The following PDGFD variants were observed in gnomAD, a reference collection of about 807,000 sequenced individuals.
The protein encoded by PDGFD is platelet-derived growth factor D.
In PDGFD, 30 loss-of-function variants were observed where a neutral mutation model predicts 44.7. The observed-to-expected ratio is 0.67, with a 90% CI of 0.50 to 0.91. PDGFD has a LOEUF of 0.91. Ranked by LOEUF, PDGFD falls within the 40% of genes least tolerant of loss-of-function variation. The pLI is 0.00. For missense variants in PDGFD, 445 were observed against 457.8 expected, an observed-to-expected ratio of 0.97 and a Z score of 0.25; for synonymous variants, 173 against 168.4, an observed-to-expected ratio of 1.03 and a Z score of -0.21.
intron 1 of PDGFD, among the ~76,000 whole-genome samples, chr11:104,103,462 G>GTGTGTATATATATATATA (rs1041388346): frequency 2.3e-5 from 3 of 133,254 alleles, no homozygotes; most frequent in Non-Finnish European, 3.2e-5. Flanking sequence ...GTGTGTGTGT[G>GTGTGTATATATATATATA]TATATATATA....
intron 1 of PDGFD, among the ~76,000 whole-genome samples, chr11:104,030,788 G>A (rs1860111691): frequency 6.6e-6 from 1 of 152,054 alleles, no homozygotes; most frequent in African/African-American, 2.4e-5. Context: ...TATAATCATG[G>A]TTAAATTTAC....
At position 103,908,120 on chromosome 11, in the gene PDGFD, C is replaced by G. The variant is rs1305608570; in HGVS notation, c.*1574G>C. ...AAACTGGTTGTAGTTAGTAGGACCA[C>G]AAAGTCACTGAAGAAATCTGCTTTC... is the stretch of plus-strand genomic sequence containing the variant. On this transcript the variant is annotated 3_prime_UTR_variant, in exon 7 of 7. Transcript: ENST00000393158. 6.6e-6 allele frequency: 1 copy of G among 152,188 alleles called. No homozygotes were observed. Among genetic ancestry groups the G allele is most frequent in the Non-Finnish European group, 1.5e-5 (1 of 68,030 alleles). The allele number at this position is 152,188 out of a possible 1,614,324, so 9.4% of individuals were successfully genotyped here. A position where few individuals can be genotyped will look rare whatever the true frequency, so the allele number is the denominator to read the frequency against.
rs753910078 is a variant in PDGFD at position 104,037,828 on chromosome 11, C to T, written c.125-37573G>A. The stretch of plus-strand genomic sequence containing the variant: ...TATGCTTCTAGGCCTAGATATGCTC[C>T]GGAGACATCAATGTTCCATCGATTT... On this transcript the variant is annotated intron_variant, in intron 1 of 6. Coordinates refer to ENST00000393158, the MANE Select transcript of PDGFD (RefSeq NM_025208.5). 7.9e-5 allele frequency: 128 copies of T among 1,613,998 alleles called. 1 individual carries two copies. Among genetic ancestry groups the T allele is most frequent in the African/African-American group, 1.1e-4 (8 of 74,894 alleles).
intron 1 of PDGFD, among the ~76,000 whole-genome samples, chr11:104,027,155 G>A (rs1860054384): frequency 6.6e-6 from 1 of 152,138 alleles, no homozygotes; most frequent in Non-Finnish European, 1.5e-5. Context: ...TGCAATGAAA[G>A]GATGTATTTA....
At chr11:103,933,563 A>T (rs147937243) in intron 5 of PDGFD, among the ~76,000 whole-genome samples, 81 of 152,350 alleles carry the variant, frequency 5.3e-4, no homozygotes, top group African/African-American at 1.9e-3. Flanking sequence ...AATTAACCTA[A>T]ATCACAGCAA....
intron 5 of PDGFD, among the ~76,000 whole-genome samples, chr11:103,942,387 C>T (rs1858598534): frequency 6.6e-6 from 1 of 152,002 alleles, no homozygotes; most frequent in Non-Finnish European, 1.5e-5. Context: ...GTTTTACATG[C>T]CAATAAACAT....
chr11:104,028,766 A>C lies in PDGFD; in HGVS notation c.125-28511T>G, dbSNP rs145541813. ...TTTGTTCACAGTTAATAGTGTTTTA[A>C]GTTGTTTTGAAGTAAAAAAAAAATG... is the stretch of plus-strand genomic sequence containing the variant. On this transcript the variant is annotated intron_variant, in intron 1 of 6. Coordinates refer to ENST00000393158, the MANE Select transcript of PDGFD (RefSeq NM_025208.5). Among the ~76,000 whole-genome samples the C allele has an allele frequency of 3.2e-4, 44 of 137,222 alleles. No homozygotes were observed. The East Asian group carries it at 3.5e-3, about 11-fold the overall frequency. The allele number at this position is 137,222 out of a possible 152,430, so 90.0% of individuals were successfully genotyped here. A position where few individuals can be genotyped will look rare whatever the true frequency, so the allele number is the denominator to read the frequency against.
At position 103,909,440 on chromosome 11, in the gene PDGFD, G is replaced by A; in HGVS notation, c.*254C>T. The A allele has an allele frequency of 2.4e-6, 1 of 420,328 alleles. No homozygotes were observed. The highest frequency in any genetic ancestry group is 4.4e-6 in the Non-Finnish European group (1 of 228,926). 26.0% of individuals were successfully genotyped at this position (420,328 alleles called of 1,614,324 possible). On this transcript the variant is annotated 3_prime_UTR_variant, in exon 7 of 7. Transcript: ENST00000393158. ...TACACATAGACATGAATATATTTCTGTGTGTGTTTGTGCATATATAACCTC... is the reference window on the plus strand; with the variant it reads ...TACACATAGACATGAATATATTTCTATGTGTGTTTGTGCATATATAACCTC...
chr11:104,039,606 T>C (rs941925072), intron 1 of PDGFD, among the ~76,000 whole-genome samples: 1 of 152,142 alleles, frequency 6.6e-6, no homozygotes, highest in Non-Finnish European at 1.5e-5. Flanking sequence ...TTATACCCAG[T>C]AGAACTACTA....
chr11:103,920,743 T>A (rs1015268121), intron 6 of PDGFD, among the ~76,000 whole-genome samples: 2 of 152,214 alleles, frequency 1.3e-5, no homozygotes, highest in Non-Finnish European at 1.5e-5. Flanking sequence ...TATCCCCAGG[T>A]GGTAAGAAGC....
At chr11:104,092,526 G>T (rs1019996164) in intron 1 of PDGFD, among the ~76,000 whole-genome samples, 1 of 151,996 alleles carries the variant, frequency 6.6e-6, no homozygotes, top group Non-Finnish European at 1.5e-5. Context: ...CAACTGAAAC[G>T]ATATTCTGAC....
At chr11:104,022,062 A>C (rs1859962946) in intron 1 of PDGFD, among the ~76,000 whole-genome samples, 1 of 152,196 alleles carries the variant, frequency 6.6e-6, no homozygotes, top group African/African-American at 2.4e-5. Context: ...ATAAGCACAA[A>C]GACCAGTACT....
At chr11:103,938,637 T>C (rs1247358136) in intron 5 of PDGFD, among the ~76,000 whole-genome samples, 1 of 152,258 alleles carries the variant, frequency 6.6e-6, no homozygotes, top group African/African-American at 2.4e-5. Flanking sequence ...CCCATGCCTA[T>C]GTCCTGAATG....
intron 3 of PDGFD, among the ~76,000 whole-genome samples, chr11:103,991,339 T>A (rs1478805622): frequency 6.6e-6 from 1 of 152,122 alleles, no homozygotes; most frequent in Non-Finnish European, 1.5e-5. Context: ...TCCTCCCTTC[T>A]CCATCTTCTT....
At chr11:104,071,341 T>C (rs1038717895) in intron 1 of PDGFD, among the ~76,000 whole-genome samples, 1 of 151,734 alleles carries the variant, frequency 6.6e-6, no homozygotes, top group African/African-American at 2.4e-5. Context: ...TATATGTGTA[T>C]ATGTATTATA....
At chr11:104,026,131 T>C (rs751671944) in intron 1 of PDGFD, among the ~76,000 whole-genome samples, 45 of 152,202 alleles carry the variant, frequency 3.0e-4, no homozygotes, top group Non-Finnish European at 5.7e-4. Context: ...TGATGAATAC[T>C]GTATCAGGAG....
chr11:103,983,520 A>T (rs555519314), intron 3 of PDGFD, among the ~76,000 whole-genome samples: 1 of 151,842 alleles, frequency 6.6e-6, no homozygotes, highest in East Asian at 1.9e-4. Flanking sequence ...CAAAGATTTC[A>T]TGATAAATAT....
intron 1 of PDGFD, among the ~76,000 whole-genome samples, chr11:104,020,053 C>G (rs1362284359): frequency 6.6e-6 from 1 of 152,026 alleles, no homozygotes; most frequent in Non-Finnish European, 1.5e-5. Context: ...AAAATAACAC[C>G]AATGAGTAAA....
intron 6 of PDGFD, among the ~76,000 whole-genome samples, chr11:103,915,558 C>T (rs1858109393): frequency 6.6e-6 from 1 of 152,162 alleles, no homozygotes; most frequent in Non-Finnish European, 1.5e-5. Context: ...ATCAAGCTAC[C>T]ATTGACTTTC....
Sources: gnomAD v4.1 joint callset for allele counts (sites outside exome capture counted in the v4.1 genomes callset) on GRCh38, gnomAD v4.1.1 for gene constraint, MANE v1.5 for transcripts, NCBI Gene and HGNC (gene_info 2026-07-23, HGNC 2026-07-21) for gene names.